The following LIPM variants were observed in gnomAD, a reference collection of about 807,000 sequenced individuals.
LIPM encodes the protein lipase family member M.
In LIPM, 42 loss-of-function variants were observed where a neutral mutation model predicts 42.4. The ratio of observed to expected loss-of-function variants is 0.99; its 90% CI spans 0.77 to 1.28. The LOEUF (loss-of-function observed/expected upper bound fraction) is 1.28. LIPM is among the 50% of genes most tolerant of loss of function. The pLI, the probability that LIPM is intolerant of heterozygous loss-of-function variation, is 0.00. For synonymous variants in LIPM, 177 were observed against 173.3 expected, an observed-to-expected ratio of 1.02 and a Z score of -0.17; for missense variants, 524 against 520.1, an observed-to-expected ratio of 1.01 and a Z score of -0.07.
intron 1 of LIPM, among the ~76,000 whole-genome samples, 194 bp from the exon 2 acceptor site, chr10:88,808,104 G>T (rs767568973): frequency 2.6e-5 from 4 of 152,046 alleles, no homozygotes; most frequent in African/African-American, 9.7e-5. Context: ...ATTCTATTCC[G>T]GTTTCCATAT....
rs1355129376 is a variant in LIPM at position 88,817,819 on chromosome 10, T to C, written c.931-6T>C. 7 of 1,550,236 alleles carry C rather than the reference T, an allele frequency of 4.5e-6. No homozygotes were observed. The highest frequency in any genetic ancestry group is 6.1e-6 in the Non-Finnish European group (7 of 1,145,886). ...GAATTCCTTGTAAATTTTTGTCTCCTTTTAGGCAGTGAATTCTGGTGAACT... is the reference window on the plus strand; with the variant it reads ...GAATTCCTTGTAAATTTTTGTCTCCCTTTAGGCAGTGAATTCTGGTGAACT... On this transcript the variant is annotated splice_region_variant and splice_polypyrimidine_tract_variant and intron_variant, in intron 7 of 8. Coordinates refer to ENST00000404743, the MANE Select transcript of LIPM (RefSeq NM_001128215.1).
At chr10:88,804,315 C>T (rs185967046) in intron 1 of LIPM, among the ~76,000 whole-genome samples, 17 of 152,230 alleles carry the variant, frequency 1.1e-4, no homozygotes, top group African/African-American at 3.9e-4. Flanking sequence ...CCACCCACTG[C>T]GTGTACCCAG....
At chr10:88,814,749 T>C in intron 4 of LIPM, 110 bp downstream of exon 4, 1 of 802,932 alleles carries the variant, frequency 1.2e-6, no homozygotes, top group Non-Finnish European at 2.0e-6. Context: ...GCTCTTTTCA[T>C]CTTCAGAATC....
intron 7 of LIPM, among the ~76,000 whole-genome samples, 199 bp from the exon 8 acceptor site, chr10:88,817,626 T>G (rs1843733217): frequency 6.6e-6 from 1 of 152,154 alleles, no homozygotes; most frequent in South Asian, 2.1e-4. Flanking sequence ...ATTTATGTAG[T>G]CCCTCTTTCT....
Position 88,814,573 on chromosome 10 carries a change from T to C in LIPM, c.508T>C (p.Phe170Leu). The C allele has an allele frequency of 7.1e-6, 11 of 1,551,870 alleles. No homozygotes were observed. The highest frequency in any genetic ancestry group is 9.6e-6 in the Non-Finnish European group (11 of 1,146,934). Residue 170 changes from phenylalanine to leucine, a missense_variant, in exon 4 of 9, where the codon TTT (phenylalanine) becomes CTT (leucine). Physicochemically the swap from Phe to Leu is conservative, Grantham distance 22 (BLOSUM62 0). Coordinates refer to ENST00000404743, the MANE Select transcript of LIPM (RefSeq NM_001128215.1). Reference sequence around the variant, plus strand: ...GTTTGACCTTCCTGCAGTGATAAACTTTATTTTGCAGAAAACGGGCCAGGA... The same window carrying C: ...GTTTGACCTTCCTGCAGTGATAAACCTTATTTTGCAGAAAACGGGCCAGGA... ...ARFDLPAVINFILQKTGQEKI... is the reference protein window; with the variant it reads ...ARFDLPAVINLILQKTGQEKI...
rs1355129376 is a variant in LIPM at position 88,817,819 on chromosome 10, T to A, written c.931-6T>A. On this transcript the variant is annotated splice_region_variant and splice_polypyrimidine_tract_variant and intron_variant, in intron 7 of 8. Coordinates refer to ENST00000404743, the MANE Select transcript of LIPM (RefSeq NM_001128215.1). Reference sequence around the variant, plus strand: ...GAATTCCTTGTAAATTTTTGTCTCCTTTTAGGCAGTGAATTCTGGTGAACT... The same window carrying A: ...GAATTCCTTGTAAATTTTTGTCTCCATTTAGGCAGTGAATTCTGGTGAACT... The A allele has an allele frequency of 6.5e-7, 1 of 1,550,236 alleles. No individual in the cohort carries two copies. The highest frequency in any genetic ancestry group is 1.4e-5 in the African/African-American group (1 of 72,996).
At chr10:88,815,969 CA>C (rs1035928350) in intron 6 of LIPM, among the ~76,000 whole-genome samples, 1 of 151,992 alleles carries the variant, frequency 6.6e-6, no homozygotes, top group African/African-American at 2.4e-5. Flanking sequence ...TTAATGTGAA[CA>C]ATGATTTGGG....
intron 1 of LIPM, among the ~76,000 whole-genome samples, chr10:88,803,988 C>T (rs903160051): frequency 6.6e-6 from 1 of 152,118 alleles, no homozygotes; most frequent in African/African-American, 2.4e-5. Context: ...GTTCATGTTC[C>T]AGAGATTTAT....
chr10:88,813,822 CT>C (rs975267474), intron 3 of LIPM, among the ~76,000 whole-genome samples: 1 of 152,090 alleles, frequency 6.6e-6, no homozygotes, highest in African/African-American at 2.4e-5. Context: ...GCAAGGCACC[CT>C]TTTCACAAGG....
rs60349051 is a variant in LIPM at position 88,813,830 on chromosome 10, A to G, written c.464+535A>G. On this transcript the variant is annotated intron_variant, in intron 3 of 8. Coordinates refer to ENST00000404743, the MANE Select transcript of LIPM (RefSeq NM_001128215.1). ...AGGGGAAGCAAGGCACCCTTTTCAC[A>G]AGGCTGCAGCAAGAAGTGCTGAGCA... Among the ~76,000 whole-genome samples, 3,317 of 152,260 alleles carry G rather than the reference A, an allele frequency of 0.022. 224 individuals carry two copies. The East Asian group carries it at 0.22, about 10-fold the overall frequency.
chr10:88,817,139 G>A (rs1843727367), intron 7 of LIPM, among the ~76,000 whole-genome samples: 2 of 152,058 alleles, frequency 1.3e-5, no homozygotes, highest in Non-Finnish European at 2.9e-5. Flanking sequence ...TGATCCAAGT[G>A]AGACTTCTCT....
chr10:88,816,675 A>C, intron 6 of LIPM, 141 bp from the exon 7 acceptor site: 1 of 615,186 alleles, frequency 1.6e-6, no homozygotes, highest in Non-Finnish European at 3.0e-6. Context: ...GTGCATGTAC[A>C]TATTTTTGTT....
Position 88,814,559 on chromosome 10 carries a change from C to G in LIPM, c.494C>G (p.Pro165Arg), listed in dbSNP as rs1843694679. The G allele has an allele frequency of 1.9e-6, 3 of 1,551,340 alleles. No homozygotes were observed. The highest frequency in any genetic ancestry group is 3.9e-5 in the Admixed American group (2 of 50,934). Residue 165 changes from proline to arginine, a missense_variant, in exon 4 of 9, where the codon CCT becomes CGT. Transcript: ENST00000404743. ...GATGAGATGGCTAGGTTTGACCTTCCTGCAGTGATAAACTTTATTTTGCAG... is the reference window on the plus strand; with the variant it reads ...GATGAGATGGCTAGGTTTGACCTTCGTGCAGTGATAAACTTTATTTTGCAG... ...SYDEMARFDL[P>R]AVINFILQKT...
chr10:88,817,747 G>T lies in LIPM; in HGVS notation c.931-78G>T, dbSNP rs934204554. Reference sequence around the variant, plus strand: ...CTCCTTCCCTCATGAGTGCACACTGGGTAGCACATTTCCACCACCCCACCA... The same window carrying T: ...CTCCTTCCCTCATGAGTGCACACTGTGTAGCACATTTCCACCACCCCACCA... On this transcript the variant is annotated intron_variant, in intron 7 of 8. Transcript: ENST00000404743. 4.3e-6 allele frequency: 4 copies of T among 934,942 alleles called. No individual in the cohort carries two copies. The African/African-American group carries it at 4.9e-5, about 11-fold the overall frequency. The allele number at this position is 934,942 out of a possible 1,614,324, so 57.9% of individuals were successfully genotyped here.
intron 1 of LIPM, chr10:88,805,878 T>A: frequency 2.3e-6 from 1 of 436,896 alleles, no homozygotes; most frequent in African/African-American, 2.1e-5. Context: ...AGGAAAGAGA[T>A]AAATCAAACT....
chr10:88,819,539 A>T (rs1843761693), intron 8 of LIPM, among the ~76,000 whole-genome samples: 1 of 152,172 alleles, frequency 6.6e-6, no homozygotes, highest in African/African-American at 2.4e-5. Context: ...AAAGTTCTGG[A>T]TGCTGATTAA....
intron 2 of LIPM, among the ~76,000 whole-genome samples, chr10:88,812,620 C>T (rs542775025): frequency 4.7e-4 from 71 of 152,206 alleles, no homozygotes; most frequent in African/African-American, 1.6e-3. Context: ...TTTTGATGCT[C>T]AATATTTCTG....
At chr10:88,818,471 T>A (rs993485809) in intron 8 of LIPM, among the ~76,000 whole-genome samples, 6 of 152,264 alleles carry the variant, frequency 3.9e-5, no homozygotes, top group Admixed American at 1.3e-4. Context: ...TTACATTTTT[T>A]AAAAATGTTA....
intron 4 of LIPM, 28 bp downstream of exon 4, chr10:88,814,667 T>TA: frequency 6.7e-7 from 1 of 1,501,266 alleles, no homozygotes; most frequent in Non-Finnish European, 9.1e-7. Context: ...CAGGTTTGTA[T>TA]ACTCGGAAGA....
Sources: gnomAD v4.1 joint callset for allele counts (sites outside exome capture counted in the v4.1 genomes callset) on GRCh38, gnomAD v4.1.1 for gene constraint, MANE v1.5 for transcripts, NCBI Gene and HGNC (gene_info 2026-07-23, HGNC 2026-07-21) for gene names.